ARHGAP26: variants seen among roughly 807,000 people sequenced by gnomAD.
ARHGAP26 encodes rho GTPase-activating protein 26.
A neutral mutation model predicts 104.8 loss-of-function variants in ARHGAP26; 38 were observed. The ratio of observed to expected loss-of-function variants is 0.36; its 90% confidence interval spans 0.28 to 0.48. The LOEUF (loss-of-function observed/expected upper bound fraction) is 0.48, where lower values mean the gene tolerates loss of function less well. Ranked by LOEUF, ARHGAP26 falls within the 20% of genes least tolerant of loss-of-function variation. The probability of loss-of-function intolerance (pLI) is 0.99; values close to 1 mark genes in which losing one functional copy is unlikely to be tolerated. For synonymous variants in ARHGAP26, 341 were observed against 340.0 expected (o/e 1.00, Z -0.03); for missense variants, 704 against 947.9 (o/e 0.74, Z 3.38).
chr5:143,107,853 A>G (rs61287676), intron 17 of ARHGAP26, among the ~76,000 whole-genome samples: 7,452 of 152,248 alleles, frequency 0.049, 609 homozygotes, highest in African/African-American at 0.17. Flanking sequence ...GCAGAATTCA[A>G]TGAGTTTCCA....
intron 8 of ARHGAP26, among the ~76,000 whole-genome samples, chr5:142,905,507 AT>A (rs1760983515): frequency 1.3e-5 from 2 of 152,164 alleles, no homozygotes; most frequent in Admixed American, 6.5e-5. Flanking sequence ...CAGTGCATCA[AT>A]TTTTAACATT....
rs530481415 is a variant in ARHGAP26 at position 143,033,240 on chromosome 5, A to T, written c.1145-3956A>T. On this transcript the variant is annotated intron_variant, in intron 12 of 22. Transcript: ENST00000645722. ...AACATCTGTGTAAGACTTAATTCCAAGAAAAGGAGTTTGCTGGTTTCAAAC... is the reference window on the plus strand; with the variant it reads ...AACATCTGTGTAAGACTTAATTCCATGAAAAGGAGTTTGCTGGTTTCAAAC... 2.0e-5 allele frequency among the ~76,000 whole-genome samples: 3 copies of T among 152,330 alleles called. No homozygotes were observed. The East Asian group carries it at 5.8e-4, about 29-fold the overall frequency.
Position 142,853,673 on chromosome 5 carries a change from A to G in ARHGAP26, c.155-19727A>G, listed in dbSNP as rs567843940. On this transcript the variant is annotated intron_variant, in intron 1 of 22. Transcript: ENST00000645722. ...AAGCACTTGGGGGCTAGCACAGAGT[A>G]AGCTTTCAACAAATCGTTGTCTATC... Among the ~76,000 whole-genome samples the G allele has an allele frequency of 2.8e-4, 42 of 152,332 alleles. 1 individual carries two copies. Among genetic ancestry groups the G allele is most frequent in the South Asian group, 1.4e-3 (7 of 4,828 alleles).
intron 22 of ARHGAP26, among the ~76,000 whole-genome samples, chr5:143,219,048 G>T (rs1276557126): frequency 1.3e-5 from 2 of 152,250 alleles, no homozygotes; most frequent in Non-Finnish European, 2.9e-5. Context: ...TATTCGCAAA[G>T]GGTCTGCCAC....
intron 17 of ARHGAP26, among the ~76,000 whole-genome samples, chr5:143,095,710 T>C (rs1256029433): frequency 6.6e-6 from 1 of 152,144 alleles, no homozygotes; most frequent in Non-Finnish European, 1.5e-5. Flanking sequence ...GTAGCAGGGA[T>C]TACAGGCACC....
chr5:143,133,871 C>A, intron 18 of ARHGAP26, 96 bp from the exon 19 acceptor site: 1 of 1,274,230 alleles, frequency 7.8e-7, no homozygotes, highest in Non-Finnish European at 1.1e-6. Flanking sequence ...CTTGCTAATT[C>A]CAAGACACTG....
chr5:142,905,730 TG>T (rs1486042397), intron 8 of ARHGAP26, among the ~76,000 whole-genome samples: 1 of 152,266 alleles, frequency 6.6e-6, no homozygotes, highest in Non-Finnish European at 1.5e-5. Context: ...AGAGTAATTA[TG>T]GTTTTTGCCA....
chr5:142,955,955 A>C (rs984415988), intron 11 of ARHGAP26, among the ~76,000 whole-genome samples: 2 of 152,194 alleles, frequency 1.3e-5, no homozygotes, highest in Non-Finnish European at 2.9e-5. Context: ...GAGTCCAGCC[A>C]GCCTGGTATT....
chr5:142,900,144 T>C (rs1335879613), intron 6 of ARHGAP26, among the ~76,000 whole-genome samples: 1 of 152,212 alleles, frequency 6.6e-6, no homozygotes, highest in Non-Finnish European at 1.5e-5. Context: ...CTGTGAATGC[T>C]GGGACTCGGT....
intron 11 of ARHGAP26, 33 bp downstream of exon 11, chr5:142,932,158 T>C (rs917140415): frequency 1.3e-6 from 2 of 1,595,240 alleles, no homozygotes; most frequent in South Asian, 2.2e-5. Context: ...AGAGCAAGAA[T>C]GAAGGCCCTG....
chr5:143,213,945 G>A (rs1809917448), intron 21 of ARHGAP26, 52 bp from the exon 22 acceptor site: 2 of 1,200,098 alleles, frequency 1.7e-6, no homozygotes, highest in Non-Finnish European at 2.4e-6. Context: ...AATGTCTGGG[G>A]CTTTCTAAGG....
At chr5:143,048,245 G>C (rs1364224105) in intron 14 of ARHGAP26, among the ~76,000 whole-genome samples, 1 of 151,922 alleles carries the variant, frequency 6.6e-6, no homozygotes, top group Non-Finnish European at 1.5e-5. Flanking sequence ...ACTTTATGGT[G>C]CATTTGTTTT....
At chr5:142,819,616 CA>C (rs1765737189) in intron 1 of ARHGAP26, among the ~76,000 whole-genome samples, 2 of 152,250 alleles carry the variant, frequency 1.3e-5, no homozygotes, top group South Asian at 2.1e-4. Context: ...GTTACCTGAA[CA>C]GGAAGAGTAG....
intron 22 of ARHGAP26, 41 bp downstream of exon 22, chr5:143,214,129 G>C (rs375957232): frequency 3.4e-6 from 1 of 293,868 alleles, no homozygotes; most frequent in Non-Finnish European, 7.2e-6. Flanking sequence ...GGCGGGGGGC[G>C]GGGGCAAGGG....
intron 1 of ARHGAP26, among the ~76,000 whole-genome samples, chr5:142,799,318 G>A (rs1761600711): frequency 6.6e-6 from 1 of 152,150 alleles, no homozygotes; most frequent in Admixed American, 6.5e-5. Flanking sequence ...CTAAGCTCCA[G>A]AAGGATAGGG....
chr5:142,988,943 G>A (rs1775188076), intron 11 of ARHGAP26, among the ~76,000 whole-genome samples: 1 of 152,200 alleles, frequency 6.6e-6, no homozygotes, highest in South Asian at 2.1e-4. Context: ...AGTGTCGTCT[G>A]GTGCTGAGAA....
At chr5:143,035,976 A>C (rs1385005777) in intron 12 of ARHGAP26, among the ~76,000 whole-genome samples, 1 of 151,660 alleles carries the variant, frequency 6.6e-6, no homozygotes, top group Non-Finnish European at 1.5e-5. Context: ...TTACCCATGT[A>C]ACCAAACACC....
chr5:142,932,654 G>T (rs141252856), intron 11 of ARHGAP26, among the ~76,000 whole-genome samples: 6 of 152,340 alleles, frequency 3.9e-5, no homozygotes, highest in Admixed American at 1.3e-4. Context: ...TGCAGAAATT[G>T]TAAGAGTACA....
intron 20 of ARHGAP26, among the ~76,000 whole-genome samples, chr5:143,162,967 G>A (rs1267640217): frequency 6.6e-6 from 1 of 151,674 alleles, no homozygotes; most frequent in Non-Finnish European, 1.5e-5. Context: ...AAAAAAAAAA[G>A]TTAGCTGAGT....
Sources: allele counts gnomAD v4.1 joint callset (sites outside exome capture counted in the v4.1 genomes callset), GRCh38; gene constraint gnomAD v4.1.1; transcripts MANE v1.5; gene names NCBI Gene and HGNC (gene_info 2026-07-23, HGNC 2026-07-21).